Variants in NOS1 observed in about 807,000 individuals in gnomAD.
NOS1 encodes nitric oxide synthase 1.
Under a neutral mutation model 164.5 loss-of-function variants are expected in NOS1, and 51 were observed. That is an observed-to-expected ratio of 0.31 (90% CI 0.25 to 0.39). The LOEUF is 0.39. Among genes scored for constraint, NOS1 ranks in the 10% least tolerant of loss-of-function variants. The pLI is 1.00. For synonymous variants in NOS1, 719 were observed against 745.8 expected (o/e 0.96, Z 0.59); for missense variants, 1,362 against 1,885.6 (o/e 0.72, Z 5.14).
chr12:117,339,790 C>A lies in NOS1; in HGVS notation c.-420-8301G>T, dbSNP rs573755231. 2.6e-5 allele frequency among the ~76,000 whole-genome samples: 4 copies of A among 152,206 alleles called. No individual in the cohort carries two copies. In the East Asian group the frequency reaches 7.7e-4, roughly 29 times the overall value. On this transcript the variant is annotated intron_variant, in intron 1 of 28. Coordinates refer to ENST00000317775, the MANE Select transcript of NOS1 (RefSeq NM_000620.5). ...AATTTAAAAGCAAGGTGGAGCACAC[C>A]CATTTAGAAATATAATTATAAGTCC...
Position 117,209,049 on chromosome 12 carries a change from C to T in NOS1, c.*6260G>A. 3.0e-6 allele frequency: 3 copies of T among 985,238 alleles called. No individual in the cohort carries two copies. The highest frequency in any genetic ancestry group is 3.6e-6 in the Non-Finnish European group (3 of 829,890). The allele number at this position is 985,238 out of a possible 1,614,324, so 61.0% of individuals were successfully genotyped here. On this transcript the variant is annotated 3_prime_UTR_variant, in exon 29 of 29. Coordinates refer to ENST00000317775, the MANE Select transcript of NOS1 (RefSeq NM_000620.5). ...GGGAGGGGTTTTTGAAAGCATACTGCCCTCCCCATGCCCCCTCCCCCGGAC... is the reference window on the plus strand; with the variant it reads ...GGGAGGGGTTTTTGAAAGCATACTGTCCTCCCCATGCCCCCTCCCCCGGAC...
chr12:117,323,778 TTATTTTA>T (rs1875101280), intron 2 of NOS1, among the ~76,000 whole-genome samples: 1 of 152,036 alleles, frequency 6.6e-6, no homozygotes, highest in African/African-American at 2.4e-5. Flanking sequence ...CTTTAATTTT[TTATTTTA>T]TTTTATTTTA....
rs184123968 is a variant in NOS1 at position 117,211,490 on chromosome 12, C to T, written c.*3819G>A. 1.1e-5 allele frequency: 11 copies of T among 984,458 alleles called. No homozygotes were observed. The highest frequency in any genetic ancestry group is 1.3e-5 in the Non-Finnish European group (11 of 829,240). The allele number at this position is 984,458 out of a possible 1,614,324, so 61.0% of individuals were successfully genotyped here. A position where few individuals can be genotyped will look rare whatever the true frequency, so the allele number is the denominator to read the frequency against. On this transcript the variant is annotated 3_prime_UTR_variant, in exon 29 of 29. Transcript: ENST00000317775. Reference sequence around the variant, plus strand: ...CGCCTTAATGTCCCTTTTTGAAAAACATTCTTAGGGACTCCCTGTTGCCTT... The same window carrying T: ...CGCCTTAATGTCCCTTTTTGAAAAATATTCTTAGGGACTCCCTGTTGCCTT...
chr12:117,215,088 C>T lies in NOS1; in HGVS notation c.*221G>A, dbSNP rs1566021265. On this transcript the variant is annotated 3_prime_UTR_variant, in exon 29 of 29. Coordinates refer to ENST00000317775, the MANE Select transcript of NOS1 (RefSeq NM_000620.5). ...TGGGAACAGAGTTTTGTAAGAGCCACTGCAGATTAGAAAAGCATTGCATCG... is the reference window on the plus strand; with the variant it reads ...TGGGAACAGAGTTTTGTAAGAGCCATTGCAGATTAGAAAAGCATTGCATCG... 1.8e-5 allele frequency: 22 copies of T among 1,239,234 alleles called. No homozygotes were observed. Among genetic ancestry groups the T allele is most frequent in the Non-Finnish European group, 2.2e-5 (22 of 986,458 alleles). 76.8% of individuals were successfully genotyped at this position (1,239,234 alleles called of 1,614,324 possible). A position where few individuals can be genotyped will look rare whatever the true frequency, so the allele number is the denominator to read the frequency against.
chr12:117,272,562 G>A lies in NOS1; in HGVS notation c.1665-3C>T. The A allele has an allele frequency of 6.2e-7, 1 of 1,612,848 alleles. No homozygotes were observed. The highest frequency in any genetic ancestry group is 8.5e-7 in the Non-Finnish European group (1 of 1,179,468). ...CCAGGTCCTTGAACCACTCAAACCT[G>A]CAGGGAGCAACAGGGCCCAGCTCAC... On this transcript the variant is annotated splice_region_variant and splice_polypyrimidine_tract_variant and intron_variant, in intron 9 of 28. Coordinates refer to ENST00000317775, the MANE Select transcript of NOS1 (RefSeq NM_000620.5). This position sits in a 1 kb window ranked among gnomAD's most constrained non-coding sequence, Gnocchi z 4.3.
intron 13 of NOS1, among the ~76,000 whole-genome samples, chr12:117,261,336 C>T (rs1453990663): frequency 1.3e-5 from 2 of 151,968 alleles, no homozygotes; most frequent in Non-Finnish European, 2.9e-5. Flanking sequence ...CATCCATTTC[C>T]TCTCTCTTTC....
At chr12:117,275,578 TTC>T in intron 9 of NOS1, among the ~76,000 whole-genome samples, 1 of 152,082 alleles carries the variant, frequency 6.6e-6, no homozygotes, top group Admixed American at 6.5e-5. Flanking sequence ...AGTTGTACTG[TTC>T]TACACCACTG....
At chr12:117,244,280 G>C (rs1592945200) in intron 18 of NOS1, among the ~76,000 whole-genome samples, 1 of 151,666 alleles carries the variant, frequency 6.6e-6, no homozygotes, top group African/African-American at 2.4e-5. Flanking sequence ...ATCTCACTCT[G>C]TCACCCAGGC....
At chr12:117,270,059 G>A (rs1224731105) in intron 10 of NOS1, among the ~76,000 whole-genome samples, 1 of 152,166 alleles carries the variant, frequency 6.6e-6, no homozygotes, top group African/African-American at 2.4e-5. Context: ...AGCAGCTGAC[G>A]CCTGTGGCAA....
chr12:117,297,778 A>G (rs1231855229), intron 3 of NOS1, among the ~76,000 whole-genome samples: 1 of 152,150 alleles, frequency 6.6e-6, no homozygotes, highest in Non-Finnish European at 1.5e-5. Flanking sequence ...GCAAGAAGAC[A>G]GAAACTCAGC....
intron 3 of NOS1, among the ~76,000 whole-genome samples, chr12:117,305,795 T>C (rs1406347428): frequency 2.6e-5 from 4 of 151,574 alleles, no homozygotes; most frequent in Non-Finnish European, 4.4e-5. Context: ...CGTGACTTTT[T>C]TTTTTTTTTT....
chr12:117,275,382 T>C (rs1248914493), intron 9 of NOS1, among the ~76,000 whole-genome samples: 2 of 151,764 alleles, frequency 1.3e-5, no homozygotes, highest in African/African-American at 2.4e-5. Context: ...TTATGTTAAG[T>C]GAAATGAACC....
intron 27 of NOS1, 127 bp downstream of exon 27, chr12:117,219,947 TA>T: frequency 1.2e-6 from 1 of 867,494 alleles, no homozygotes; most frequent in South Asian, 1.7e-5. Flanking sequence ...CCCTCAGTGG[TA>T]AGTGCAACGA....
intron 9 of NOS1, among the ~76,000 whole-genome samples, chr12:117,273,316 A>G (rs1429236100): frequency 6.6e-6 from 1 of 152,214 alleles, no homozygotes; most frequent in Admixed American, 6.5e-5. Flanking sequence ...TGGATGAGCC[A>G]ATAAATGAAT....
chr12:117,301,230 C>A (rs950085612), intron 3 of NOS1, among the ~76,000 whole-genome samples: 2 of 152,232 alleles, frequency 1.3e-5, no homozygotes, highest in African/African-American at 2.4e-5. Flanking sequence ...CAGGTTCAAG[C>A]GATCCTCCTG....
At chr12:117,221,641 T>G (rs1003849677) in intron 26 of NOS1, among the ~76,000 whole-genome samples, 3 of 151,480 alleles carry the variant, frequency 2.0e-5, no homozygotes, top group African/African-American at 7.3e-5. Flanking sequence ...TTTCTAATTA[T>G]TTATTGTTTA....
chr12:117,361,329 T>G, intron 1 of NOS1, among the ~76,000 whole-genome samples, 183 bp downstream of exon 1: 1 of 146,832 alleles, frequency 6.8e-6, no homozygotes, highest in Non-Finnish European at 1.5e-5. Flanking sequence ...GTCCCTCCCC[T>G]TCCCCTCCGC....
intron 1 of NOS1, among the ~76,000 whole-genome samples, chr12:117,344,471 T>A (rs1876255289): frequency 6.6e-6 from 1 of 152,246 alleles, no homozygotes; most frequent in Admixed American, 6.5e-5. Flanking sequence ...CAACACGATA[T>A]GAACATGACA....
chr12:117,222,600 T>C, intron 26 of NOS1, 115 bp downstream of exon 26: 1 of 998,762 alleles, frequency 1.0e-6, no homozygotes, highest in Non-Finnish European at 1.5e-6. Flanking sequence ...ACAGAGCAAC[T>C]TCATAGAGGG....
Sources: allele counts gnomAD v4.1 joint callset (sites outside exome capture counted in the v4.1 genomes callset), GRCh38; gene constraint gnomAD v4.1.1; non-coding constraint Gnocchi (gnomAD v3.1); transcripts MANE v1.5; gene names NCBI Gene and HGNC (gene_info 2026-07-23, HGNC 2026-07-21).